NCKAP5: variants seen among roughly 807,000 people sequenced by gnomAD.
NCKAP5 encodes nck-associated protein 5.
In NCKAP5, 92 loss-of-function variants were observed where a neutral mutation model predicts 167.0. The observed-to-expected ratio is 0.55, with a 90% confidence interval of 0.47 to 0.66. NCKAP5 has a LOEUF of 0.66. Among genes scored for constraint, NCKAP5 ranks in the 30% least tolerant of loss-of-function variants. NCKAP5 has a pLI of 0.00. For missense variants in NCKAP5, 2,378 were observed against 2,315.0 expected (o/e 1.03, Z -0.56); for synonymous variants, 891 against 877.4 (o/e 1.02, Z -0.27).
At chr2:132,719,975 C>T (rs1353831369) in intron 19 of NCKAP5, among the ~76,000 whole-genome samples, 1 of 152,202 alleles carries the variant, frequency 6.6e-6, no homozygotes, top group Non-Finnish European at 1.5e-5. Flanking sequence ...GTAGATGAAA[C>T]AGAAGCTTGG....
At chr2:133,304,294 C>G in intron 3 of NCKAP5, among the ~76,000 whole-genome samples, 1 of 152,144 alleles carries the variant, frequency 6.6e-6, no homozygotes, top group East Asian at 1.9e-4. Flanking sequence ...CCCATGCGGC[C>G]TTGAAAAGCC....
At chr2:133,157,958 T>C (rs1295347887) in intron 5 of NCKAP5, among the ~76,000 whole-genome samples, 1 of 152,198 alleles carries the variant, frequency 6.6e-6, no homozygotes, top group Admixed American at 6.5e-5. Context: ...CTCTACCTCA[T>C]GAAACACTGA....
intron 3 of NCKAP5, among the ~76,000 whole-genome samples, chr2:133,409,393 C>T (rs1688638019): frequency 6.6e-6 from 1 of 152,136 alleles, no homozygotes; most frequent in African/African-American, 2.4e-5. Flanking sequence ...TTTTTGTAGG[C>T]ATTGGGCAAT....
chr2:132,833,191 G>T (rs1427408150), intron 11 of NCKAP5, among the ~76,000 whole-genome samples: 1 of 151,998 alleles, frequency 6.6e-6, no homozygotes, highest in Non-Finnish European at 1.5e-5. Flanking sequence ...GTCTATTCAT[G>T]TCCTTTACCC....
At chr2:132,721,095 G>A (rs989602876) in intron 19 of NCKAP5, among the ~76,000 whole-genome samples, 2 of 151,484 alleles carry the variant, frequency 1.3e-5, no homozygotes, top group East Asian at 3.9e-4. Flanking sequence ...AGATCACGAG[G>A]TCAGGAGTTC....
chr2:133,130,259 T>G, intron 5 of NCKAP5, 148 bp from the exon 6 acceptor site: 1 of 863,150 alleles, frequency 1.2e-6, no homozygotes, highest in Non-Finnish European at 1.7e-6. Context: ...TCTTAATCTC[T>G]TGTTATAGAC....
intron 8 of NCKAP5, among the ~76,000 whole-genome samples, chr2:132,941,927 C>T (rs191081232): frequency 4.1e-4 from 62 of 152,166 alleles, no homozygotes; most frequent in Non-Finnish European, 6.5e-4. Flanking sequence ...ATTCTTCCCT[C>T]GGGCAAAAAT....
intron 8 of NCKAP5, among the ~76,000 whole-genome samples, chr2:132,916,102 A>G (rs977780987): frequency 8.6e-5 from 13 of 152,034 alleles, no homozygotes; most frequent in Non-Finnish European, 1.3e-4. Flanking sequence ...GCTCAGAGAA[A>G]TTGACTGCCA....
At chr2:133,512,012 T>C (rs1251377943) in intron 3 of NCKAP5, among the ~76,000 whole-genome samples, 1 of 152,152 alleles carries the variant, frequency 6.6e-6, no homozygotes, top group Non-Finnish European at 1.5e-5. Context: ...GCAGTATCCC[T>C]ATGGTAAGAG....
chr2:133,649,326 C>T, the NCKAP5 span, among the ~76,000 whole-genome samples: 2 of 151,372 alleles, frequency 1.3e-5, no homozygotes, highest in East Asian at 3.9e-4. Context: ...TAATTCCAAA[C>T]TTTCTCAAAC....
intron 16 of NCKAP5, among the ~76,000 whole-genome samples, chr2:132,732,768 T>C (rs540920299): frequency 2.0e-5 from 3 of 152,324 alleles, no homozygotes; most frequent in Admixed American, 2.0e-4. Flanking sequence ...GGTAATTGTG[T>C]ATCTCGTGCA....
At chr2:132,830,390 ACTGTTGCTTGCAACAGTCTAAGGACAGT>A (rs1362491049) in intron 11 of NCKAP5, among the ~76,000 whole-genome samples, 1 of 147,676 alleles carries the variant, frequency 6.8e-6, no homozygotes, top group Non-Finnish European at 1.5e-5. Context: ...CTAAGGACAG[ACTGTTGCTTGCAACAGTCTAAGGACAGT>A]CTGTTTCCCC....
intron 6 of NCKAP5, among the ~76,000 whole-genome samples, chr2:133,020,364 C>T (rs1200116323): frequency 2.0e-5 from 3 of 152,126 alleles, no homozygotes; most frequent in Non-Finnish European, 2.9e-5. Context: ...GGCAAGGCAC[C>T]ACCACTTAGT....
chr2:132,859,242 TG>T (rs1689702877), intron 11 of NCKAP5, among the ~76,000 whole-genome samples: 1 of 152,156 alleles, frequency 6.6e-6, no homozygotes, highest in African/African-American at 2.4e-5. Flanking sequence ...TATTTTAATT[TG>T]GGGGGCAAAT....
chr2:132,893,472 C>T (rs1692890088), intron 8 of NCKAP5, among the ~76,000 whole-genome samples: 1 of 152,052 alleles, frequency 6.6e-6, no homozygotes, highest in Non-Finnish European at 1.5e-5. Context: ...TATATAGAAA[C>T]AAAAGCCAGT....
At chr2:133,491,256 A>G (rs1314682723) in intron 3 of NCKAP5, among the ~76,000 whole-genome samples, 1 of 152,212 alleles carries the variant, frequency 6.6e-6, no homozygotes, top group East Asian at 1.9e-4. Flanking sequence ...ATACACACGT[A>G]AATAAATAGG....
intron 8 of NCKAP5, among the ~76,000 whole-genome samples, chr2:132,933,027 C>T (rs1696542676): frequency 6.6e-6 from 1 of 151,542 alleles, no homozygotes; most frequent in African/African-American, 2.4e-5. Flanking sequence ...CGGGTTCACG[C>T]CATTCTCCTG....
At chr2:133,247,046 G>T (rs915262561) in intron 4 of NCKAP5, among the ~76,000 whole-genome samples, 19 of 152,154 alleles carry the variant, frequency 1.2e-4, no homozygotes, top group African/African-American at 4.6e-4. Context: ...CTAGCACGTT[G>T]TGAGGCCTTG....
the NCKAP5 span, among the ~76,000 whole-genome samples, chr2:133,578,993 G>C: frequency 1.3e-5 from 2 of 152,178 alleles, no homozygotes; most frequent in Non-Finnish European, 2.9e-5. Context: ...CAGAGTAGCA[G>C]CTTAGACAAT....
Sources: gnomAD v4.1 joint callset for allele counts (sites outside exome capture counted in the v4.1 genomes callset) on GRCh38, gnomAD v4.1.1 for gene constraint, MANE v1.5 for transcripts, NCBI Gene and HGNC (gene_info 2026-07-23, HGNC 2026-07-21) for gene names.